CCDC178: variants seen among roughly 807,000 people sequenced by gnomAD.
CCDC178 encodes coiled-coil domain-containing protein 178.
CCDC178 carries 126 observed loss-of-function variants against 117.4 expected under a neutral mutation model. That is an observed-to-expected ratio of 1.07 (90% CI 0.93 to 1.24). The LOEUF is 1.24. CCDC178 is among the 50% of genes most tolerant of loss of function. The probability of loss-of-function intolerance (pLI) is 0.00; values close to 1 mark genes in which losing one functional copy is unlikely to be tolerated. For missense variants in CCDC178, 1,030 were observed against 986.9 expected (o/e 1.04, Z -0.59); for synonymous variants, 283 against 313.4 (o/e 0.90, Z 1.02).
intron 21 of CCDC178, among the ~76,000 whole-genome samples, chr18:33,002,509 C>T (rs917975346): frequency 2.0e-5 from 3 of 151,786 alleles, no homozygotes; most frequent in Admixed American, 1.3e-4. Context: ...ATACAACACA[C>T]CAAAACCTAT....
chr18:33,239,846 T>C (rs1190979437), intron 15 of CCDC178, among the ~76,000 whole-genome samples: 2 of 151,722 alleles, frequency 1.3e-5, no homozygotes, highest in East Asian at 3.9e-4. Context: ...AATAGCACCA[T>C]TGACCAAATG....
intron 5 of CCDC178, among the ~76,000 whole-genome samples, chr18:33,371,197 T>G (rs2063293539): frequency 6.6e-6 from 1 of 152,016 alleles, no homozygotes; most frequent in African/African-American, 2.4e-5. Context: ...AAACACAATC[T>G]CTTGTAAAAA....
chr18:33,364,554 T>A (rs2063173617), intron 6 of CCDC178, among the ~76,000 whole-genome samples: 1 of 151,914 alleles, frequency 6.6e-6, no homozygotes, highest in Non-Finnish European at 1.5e-5. Flanking sequence ...GGAGATTTTT[T>A]AAAGACAGAA....
At chr18:33,086,969 GACACACACACACACACACACAC>G (rs71949744) in intron 21 of CCDC178, among the ~76,000 whole-genome samples, 11 of 124,124 alleles carry the variant, frequency 8.9e-5, no homozygotes, top group South Asian at 3.1e-4. Flanking sequence ...GCTATTGGTT[GACACACACACACACACACACAC>G]ACACACACAC....
chr18:33,376,680 C>CAATG (rs2063371267), intron 5 of CCDC178, among the ~76,000 whole-genome samples: 1 of 152,148 alleles, frequency 6.6e-6, no homozygotes, highest in Admixed American at 6.5e-5. Context: ...TTAGCTCCCA[C>CAATG]TTATAAGTGA....
At position 33,401,748 on chromosome 18, in the gene CCDC178, G is replaced by C. The variant is rs528209647; in HGVS notation, c.59-4540C>G. Among the ~76,000 whole-genome samples, 5 of 151,932 alleles carry C rather than the reference G, an allele frequency of 3.3e-5. No individual in the cohort carries two copies. The East Asian group carries it at 9.7e-4, about 29-fold the overall frequency. ...AAGACAGAAGTTCAAAGGTAGATGG[G>C]CAATTATTTTCACTAAATATGACAC... is the stretch of plus-strand genomic sequence containing the variant. On this transcript the variant is annotated intron_variant, in intron 3 of 22. Transcript: ENST00000383096.
chr18:33,043,849 C>T (rs1260893728), intron 21 of CCDC178, among the ~76,000 whole-genome samples: 1 of 151,732 alleles, frequency 6.6e-6, no homozygotes, highest in Non-Finnish European at 1.5e-5. Flanking sequence ...CACATTTTAT[C>T]CTCTCTCAAA....
At chr18:33,306,918 T>C (rs964175119) in intron 11 of CCDC178, among the ~76,000 whole-genome samples, 1 of 152,162 alleles carries the variant, frequency 6.6e-6, no homozygotes, top group African/African-American at 2.4e-5. Context: ...ACTCAGCTCT[T>C]ATACTTCTCC....
At chr18:33,430,872 A>C (rs994024019) in intron 2 of CCDC178, among the ~76,000 whole-genome samples, 3 of 151,822 alleles carry the variant, frequency 2.0e-5, no homozygotes, top group Non-Finnish European at 4.4e-5. Flanking sequence ...GGAGTTCGAG[A>C]CCAGCCTGGC....
chr18:33,069,975 A>T (rs1222618107), intron 21 of CCDC178, among the ~76,000 whole-genome samples: 2 of 152,088 alleles, frequency 1.3e-5, no homozygotes, highest in Non-Finnish European at 2.9e-5. Context: ...CTATAGTGAG[A>T]TATTATCTTA....
chr18:33,407,065 G>A (rs990692361), intron 3 of CCDC178, among the ~76,000 whole-genome samples: 3 of 152,126 alleles, frequency 2.0e-5, no homozygotes, highest in South Asian at 2.1e-4. Context: ...TGAATGAGTC[G>A]CATGGCTGCA....
At chr18:32,980,461 C>T (rs1255472826) in intron 21 of CCDC178, among the ~76,000 whole-genome samples, 1 of 149,944 alleles carries the variant, frequency 6.7e-6, no homozygotes, top group African/African-American at 2.4e-5. Flanking sequence ...GTCCCAGCTA[C>T]TCGGGAGGCT....
At chr18:33,189,305 G>T (rs1332971141) in intron 20 of CCDC178, among the ~76,000 whole-genome samples, 1 of 151,400 alleles carries the variant, frequency 6.6e-6, no homozygotes, top group Non-Finnish European at 1.5e-5. Context: ...GAAGAATAAA[G>T]TTATAAATAA....
chr18:33,128,564 G>A (rs1371666501), intron 20 of CCDC178, among the ~76,000 whole-genome samples: 2 of 152,106 alleles, frequency 1.3e-5, no homozygotes, highest in Non-Finnish European at 2.9e-5. Context: ...AATCAACCAA[G>A]AATCTGGCCC....
At chr18:33,121,469 T>C (rs1336284363) in intron 20 of CCDC178, among the ~76,000 whole-genome samples, 6 of 152,136 alleles carry the variant, frequency 3.9e-5, no homozygotes. Context: ...GGATAGGTGA[T>C]AGCTACAGAA....
intron 6 of CCDC178, among the ~76,000 whole-genome samples, chr18:33,366,789 A>T (rs969628786): frequency 2.6e-5 from 4 of 152,026 alleles, no homozygotes; most frequent in African/African-American, 9.7e-5. Flanking sequence ...AACTGGTGAA[A>T]GGGTGGTCCT....
chr18:33,009,132 T>C (rs1461968679), intron 21 of CCDC178, among the ~76,000 whole-genome samples: 1 of 152,076 alleles, frequency 6.6e-6, no homozygotes, highest in Non-Finnish European at 1.5e-5. Context: ...ATACCCTGAA[T>C]TTGACCACTT....
chr18:33,081,518 T>C (rs1258547875), intron 21 of CCDC178, among the ~76,000 whole-genome samples: 1 of 152,222 alleles, frequency 6.6e-6, no homozygotes, highest in African/African-American at 2.4e-5. Context: ...TGTAGCTTGC[T>C]TGATTCAAAA....
chr18:33,423,673 T>G (rs2064066694), intron 2 of CCDC178, among the ~76,000 whole-genome samples: 1 of 152,190 alleles, frequency 6.6e-6, no homozygotes, highest in Non-Finnish European at 1.5e-5. Flanking sequence ...GATAAAATAC[T>G]TTGTTAATTC....
Sources: allele counts gnomAD v4.1 joint callset (sites outside exome capture counted in the v4.1 genomes callset), GRCh38; gene constraint gnomAD v4.1.1; transcripts MANE v1.5; gene names NCBI Gene and HGNC (gene_info 2026-07-23, HGNC 2026-07-21).